Variants in ARFIP1 observed in about 807,000 individuals in gnomAD.
ARFIP1 encodes the protein arfaptin-1.
A neutral mutation model predicts 42.5 loss-of-function variants in ARFIP1; 24 were observed. The ratio of observed to expected loss-of-function variants is 0.57; its 90% CI spans 0.41 to 0.80. The LOEUF (loss-of-function observed/expected upper bound fraction) is 0.80. ARFIP1 is among the 30% of genes least tolerant of loss of function. The pLI, the probability that ARFIP1 is intolerant of heterozygous loss-of-function variation, is 0.00. For synonymous variants in ARFIP1, 141 were observed against 153.7 expected (o/e 0.92, Z 0.61); for missense variants, 354 against 434.0 (o/e 0.82, Z 1.64).
intron 1 of ARFIP1, among the ~76,000 whole-genome samples, chr4:152,804,129 T>TATATATAATATAAGATGTATTATATATA (rs1728689818): frequency 8.4e-6 from 1 of 118,464 alleles, no homozygotes; most frequent in Non-Finnish European, 1.6e-5. Context: ...TATTATATAT[T>TATATATAATATAAGATGTATTATATATA]ATATATAATA....
chr4:152,909,427 G>A (rs143215322), intron 8 of ARFIP1, among the ~76,000 whole-genome samples: 1 of 152,044 alleles, frequency 6.6e-6, no homozygotes, highest in East Asian at 1.9e-4. Context: ...TCAGGAAACA[G>A]TTTATAAATC....
At chr4:152,804,476 A>AT (rs1491367850) in intron 1 of ARFIP1, among the ~76,000 whole-genome samples, 1 of 106,952 alleles carries the variant, frequency 9.3e-6, no homozygotes. Context: ...TAATATATAT[A>AT]ATATATATTA....
chr4:152,836,107 C>A (rs994101907), intron 2 of ARFIP1, among the ~76,000 whole-genome samples: 9 of 152,164 alleles, frequency 5.9e-5, no homozygotes, highest in Non-Finnish European at 7.3e-5. Flanking sequence ...AGGAGACGAA[C>A]ATCCAAAACC....
intron 1 of ARFIP1, among the ~76,000 whole-genome samples, chr4:152,782,223 GGTGTGTGTGTGT>G (rs71598214): frequency 1.0e-4 from 15 of 148,556 alleles, no homozygotes; most frequent in Non-Finnish European, 1.6e-4. Context: ...AACAGGTAGG[GGTGTGTGTGTGT>G]GTGTGTGTGT....
intron 2 of ARFIP1, among the ~76,000 whole-genome samples, chr4:152,844,660 A>G (rs1732394049): frequency 6.6e-6 from 1 of 152,066 alleles, no homozygotes; most frequent in African/African-American, 2.4e-5. Flanking sequence ...TCAACATAAT[A>G]CAAATTAATT....
chr4:152,868,482 G>A (rs1734597020), intron 3 of ARFIP1, among the ~76,000 whole-genome samples: 1 of 152,120 alleles, frequency 6.6e-6, no homozygotes, highest in South Asian at 2.1e-4. Context: ...AAGTATTAAA[G>A]ATACAGAAAA....
intron 1 of ARFIP1, among the ~76,000 whole-genome samples, chr4:152,821,125 A>C (rs113311138): frequency 6.6e-4 from 100 of 152,310 alleles, no homozygotes; most frequent in African/African-American, 2.3e-3. Context: ...CTTCTCCAGC[A>C]GTGGATCCAA....
intron 5 of ARFIP1, among the ~76,000 whole-genome samples, chr4:152,873,958 C>T (rs971798674): frequency 6.6e-6 from 1 of 152,132 alleles, no homozygotes; most frequent in South Asian, 2.1e-4. Context: ...TGTGCTTTCT[C>T]ATACTTCTGT....
chr4:152,803,986 TTA>T (rs1008910451), intron 1 of ARFIP1, among the ~76,000 whole-genome samples: 248 of 131,310 alleles, frequency 1.9e-3, no homozygotes, highest in African/African-American at 6.0e-3. Context: ...TATATATATT[TTA>T]TATATATAAT....
At chr4:152,789,883 C>T (rs2149815147) in intron 1 of ARFIP1, among the ~76,000 whole-genome samples, 1 of 152,258 alleles carries the variant, frequency 6.6e-6, no homozygotes. Flanking sequence ...TTACAAAATG[C>T]TCTAGGCTCA....
intron 1 of ARFIP1, among the ~76,000 whole-genome samples, chr4:152,781,928 TC>T (rs1561091037): frequency 6.6e-6 from 1 of 152,132 alleles, no homozygotes; most frequent in Non-Finnish European, 1.5e-5. Context: ...TGAATTTTTT[TC>T]CCCCCTGGGG....
intron 1 of ARFIP1, among the ~76,000 whole-genome samples, chr4:152,810,652 C>CA (rs60385878): frequency 0.018 from 2,549 of 142,876 alleles, 64 homozygotes; most frequent in African/African-American, 0.06. Context: ...ACTAAAAATA[C>CA]AAAAAAAAAA....
chr4:152,780,354 G>A (rs1329772879), intron 1 of ARFIP1, 128 bp downstream of exon 1: 1 of 152,366 alleles, frequency 6.6e-6, no homozygotes, highest in Non-Finnish European at 1.5e-5. Context: ...TCCTTAGTCT[G>A]TGCCGTATCT....
chr4:152,802,288 AACTAAAACAGT>A (rs1336600209), intron 1 of ARFIP1, among the ~76,000 whole-genome samples: 2 of 152,180 alleles, frequency 1.3e-5, no homozygotes, highest in African/African-American at 2.4e-5. Context: ...CTGAAGCCAT[AACTAAAACAGT>A]TAGGATTGAA....
intron 2 of ARFIP1, among the ~76,000 whole-genome samples, chr4:152,834,549 C>G (rs575139229): frequency 3.3e-5 from 5 of 152,296 alleles, no homozygotes; most frequent in African/African-American, 1.2e-4. Flanking sequence ...AATCTGAAAC[C>G]CAGCAGGGAA....
intron 1 of ARFIP1, among the ~76,000 whole-genome samples, chr4:152,813,884 C>T (rs577635744): frequency 1.3e-5 from 2 of 151,954 alleles, no homozygotes; most frequent in East Asian, 1.9e-4. Flanking sequence ...AGTTATTTAC[C>T]GTTTCACTTC....
At chr4:152,802,453 A>G (rs1384056697) in intron 1 of ARFIP1, among the ~76,000 whole-genome samples, 1 of 152,228 alleles carries the variant, frequency 6.6e-6, no homozygotes, top group African/African-American at 2.4e-5. Flanking sequence ...GCTACTTGAC[A>G]TATGTAGTTA....
chr4:152,828,495 C>G (rs1731013975), intron 1 of ARFIP1, among the ~76,000 whole-genome samples: 1 of 152,220 alleles, frequency 6.6e-6, no homozygotes, highest in Non-Finnish European at 1.5e-5. Flanking sequence ...TGCTTACTAG[C>G]CACTTTACAT....
At chr4:152,826,095 C>T (rs1186782326) in intron 1 of ARFIP1, among the ~76,000 whole-genome samples, 1 of 152,126 alleles carries the variant, frequency 6.6e-6, no homozygotes, top group African/African-American at 2.4e-5. Context: ...AAAAGTAGAT[C>T]TACCATTTAA....
Sources: allele counts gnomAD v4.1 joint callset (sites outside exome capture counted in the v4.1 genomes callset), GRCh38; gene constraint gnomAD v4.1.1; transcripts MANE v1.5; gene names NCBI Gene and HGNC (gene_info 2026-07-23, HGNC 2026-07-21).